The following SRGAP2 variants were observed in gnomAD, a reference collection of about 807,000 sequenced individuals.
SRGAP2 encodes the protein SLIT-ROBO Rho GTPase-activating protein 2.
A neutral mutation model predicts 57.2 loss-of-function variants in SRGAP2; 15 were observed. The ratio of observed to expected loss-of-function variants is 0.26; its 90% CI spans 0.18 to 0.40. SRGAP2 has a LOEUF of 0.40. Ranked by LOEUF, SRGAP2 falls within the 10% of genes least tolerant of loss-of-function variation. SRGAP2 has a pLI of 1.00. For synonymous variants in SRGAP2, 249 were observed against 248.0 expected (o/e 1.00, Z -0.04); for missense variants, 520 against 669.6 (o/e 0.78, Z 2.47).
At chr1:206,421,925 G>C (rs1306587246) in intron 13 of SRGAP2, among the ~76,000 whole-genome samples, 12 of 152,090 alleles carry the variant, frequency 7.9e-5, no homozygotes, top group African/African-American at 2.9e-4. Context: ...AACAGCACTT[G>C]TGCTTGTTTA....
chr1:206,354,111 AT>A (rs1366142796), intron 4 of SRGAP2, among the ~76,000 whole-genome samples: 1 of 152,134 alleles, frequency 6.6e-6, no homozygotes, highest in East Asian at 1.9e-4. Context: ...CTTGTTTGCT[AT>A]TTTTAACATT....
At chr1:206,318,368 T>C (rs1553326572) in intron 3 of SRGAP2, among the ~76,000 whole-genome samples, 1 of 152,088 alleles carries the variant, frequency 6.6e-6, no homozygotes, top group Non-Finnish European at 1.5e-5. Context: ...GCTTCTTAGG[T>C]GTATTGACTT....
intron 3 of SRGAP2, among the ~76,000 whole-genome samples, chr1:206,310,514 G>T (rs1672562837): frequency 6.6e-6 from 1 of 152,206 alleles, no homozygotes; most frequent in African/African-American, 2.4e-5. Flanking sequence ...TGGCCTGCCT[G>T]CTCAAGTTCA....
chr1:206,233,352 G>A (rs1377443867), intron 2 of SRGAP2, among the ~76,000 whole-genome samples: 1 of 152,114 alleles, frequency 6.6e-6, no homozygotes, highest in African/African-American at 2.4e-5. Flanking sequence ...CTTCCCAGGA[G>A]AGCTTGAAAA....
At chr1:206,237,656 T>C (rs1667990473) in intron 2 of SRGAP2, among the ~76,000 whole-genome samples, 1 of 152,096 alleles carries the variant, frequency 6.6e-6, no homozygotes, top group Non-Finnish European at 1.5e-5. Flanking sequence ...TTCACTTGTT[T>C]GTATTATATA....
rs570369628 is a variant in SRGAP2, at chr1:206,250,929, AAG to A, written c.67+44898_67+44899del. 3.4e-4 allele frequency among the ~76,000 whole-genome samples: 51 copies of A among 151,886 alleles called. No individual in the cohort carries two copies. The South Asian group carries it at 4.6e-3, about 14-fold the overall frequency. On this transcript the variant is annotated intron_variant, in intron 2 of 22. Coordinates refer to ENST00000573034, the MANE Select transcript of SRGAP2 (RefSeq NM_015326.5). ...AGGGTAAAGTGAGGGAGGACTCCTA[AAG>A]AGAGAAAAACTCCTCCAGCATTTGC...
rs782409498 is a variant in SRGAP2, at chr1:206,461,378, A to T, written c.3174A>T (p.Ser1058=). 1 of 780,482 alleles carries T rather than the reference A, an allele frequency of 1.3e-6. No homozygotes were observed. Among genetic ancestry groups the T allele is most frequent in the East Asian group, 2.4e-5 (1 of 41,260 alleles). The allele number at this position is 780,482 out of a possible 1,614,324, so 48.3% of individuals were successfully genotyped here. ...KTNATSPGVN[S]STSPQSTDKS... is the part of the protein sequence containing the mutation. The stretch of plus-strand genomic sequence containing the variant: ...ATGCCACTAGCCCTGGTGTCAACTC[A>T]TCAACTTCCCCACAGTCTACTGACA... Residue 1058 remains serine, a synonymous_variant, in exon 23 of 23, where the codon TCA becomes TCT. Transcript: ENST00000573034.
chr1:206,442,235 C>A (rs75811943), intron 17 of SRGAP2, among the ~76,000 whole-genome samples: 1 of 152,180 alleles, frequency 6.6e-6, no homozygotes, highest in Non-Finnish European at 1.5e-5. Context: ...CTCTTCCATG[C>A]GGTTGTGTCT....
At chr1:206,428,411 A>C (rs1267822103) in intron 13 of SRGAP2, among the ~76,000 whole-genome samples, 2 of 141,696 alleles carry the variant, frequency 1.4e-5, no homozygotes, top group African/African-American at 2.7e-5. Flanking sequence ...ACTGATTGAG[A>C]CTCTGTCTCA....
At chr1:206,437,100 C>T (rs1437463276) in intron 15 of SRGAP2, 58 bp downstream of exon 15, 2 of 777,364 alleles carry the variant, frequency 2.6e-6, no homozygotes, top group African/African-American at 3.4e-5. Flanking sequence ...GGGGTATTGG[C>T]TCCACCCTTT....
At chr1:206,260,856 ATTC>A (rs1253681979) in intron 2 of SRGAP2, among the ~76,000 whole-genome samples, 5 of 152,380 alleles carry the variant, frequency 3.3e-5, no homozygotes, top group Admixed American at 3.3e-4. Context: ...TGAGATTATT[ATTC>A]TTCATTCTTA....
chr1:206,227,407 A>C (rs1348040211), intron 2 of SRGAP2, among the ~76,000 whole-genome samples: 1 of 152,110 alleles, frequency 6.6e-6, no homozygotes, highest in Non-Finnish European at 1.5e-5. Flanking sequence ...TCAACTGTAG[A>C]CCTTCATATA....
At chr1:206,351,483 C>G (rs1313810602) in intron 4 of SRGAP2, among the ~76,000 whole-genome samples, 4 of 152,208 alleles carry the variant, frequency 2.6e-5, no homozygotes, top group Non-Finnish European at 5.9e-5. Context: ...CAGTGCTTTA[C>G]GGACAGCTGT....
chr1:206,307,529 C>G (rs1672313139), intron 3 of SRGAP2, among the ~76,000 whole-genome samples: 2 of 152,110 alleles, frequency 1.3e-5, no homozygotes, highest in African/African-American at 2.4e-5. Flanking sequence ...GAGGCTCCGG[C>G]CGCACAGGAG....
chr1:206,426,117 G>A (rs11799788), intron 13 of SRGAP2, among the ~76,000 whole-genome samples: 6,716 of 152,050 alleles, frequency 0.044, 349 homozygotes, highest in African/African-American at 0.12. Context: ...CTCACTTCTT[G>A]ACCCCTCACT....
At chr1:206,332,874 G>A (rs1553332342) in intron 3 of SRGAP2, among the ~76,000 whole-genome samples, 1 of 151,246 alleles carries the variant, frequency 6.6e-6, no homozygotes, top group African/African-American at 2.4e-5. Flanking sequence ...CTTTGGAGGA[G>A]GAGAGGCGCT....
intron 13 of SRGAP2, among the ~76,000 whole-genome samples, chr1:206,425,737 G>C (rs2103267107): frequency 6.6e-6 from 1 of 151,780 alleles, no homozygotes; most frequent in South Asian, 2.1e-4. Flanking sequence ...GTTTCGCCAT[G>C]TTGGCCAGGC....
intron 16 of SRGAP2, among the ~76,000 whole-genome samples, chr1:206,438,985 T>G (rs1340577619): frequency 3.3e-5 from 5 of 151,980 alleles, no homozygotes; most frequent in Non-Finnish European, 7.4e-5. Context: ...TTTGTGGGAG[T>G]CTAGTGGAAG....
intron 3 of SRGAP2, chr1:206,333,467 G>A (rs1399667700): frequency 9.4e-6 from 14 of 1,487,438 alleles, no homozygotes; most frequent in Non-Finnish European, 7.5e-6. Context: ...GGAACCGGCG[G>A]GGCGAGGCGA....
Sources: allele counts gnomAD v4.1 joint callset (sites outside exome capture counted in the v4.1 genomes callset), GRCh38; gene constraint gnomAD v4.1.1; transcripts MANE v1.5; gene names NCBI Gene and HGNC (gene_info 2026-07-23, HGNC 2026-07-21).